The following ATP9B variants were observed in gnomAD, a reference collection of about 807,000 sequenced individuals.
The protein encoded by ATP9B is probable phospholipid-transporting ATPase IIB.
Under a neutral mutation model 146.1 loss-of-function variants are expected in ATP9B, and 110 were observed. The observed-to-expected ratio is 0.75, with a 90% CI of 0.65 to 0.88. The LOEUF is 0.88. Ranked by LOEUF, ATP9B falls within the 40% of genes least tolerant of loss-of-function variation. The pLI is 0.00. For missense variants in ATP9B, 1,499 were observed against 1,496.4 expected (o/e 1.00, Z -0.03); for synonymous variants, 604 against 569.7 (o/e 1.06, Z -0.86).
chr18:79,296,635 C>T (rs566534712), intron 13 of ATP9B, among the ~76,000 whole-genome samples: 1 of 152,290 alleles, frequency 6.6e-6, no homozygotes, highest in South Asian at 2.1e-4. Context: ...AGGGCAGAAA[C>T]AGTAGTGCAA....
intron 10 of ATP9B, chr18:79,209,726 C>G (rs2095566887): frequency 3.1e-6 from 3 of 960,676 alleles, no homozygotes; most frequent in Non-Finnish European, 2.5e-6. Flanking sequence ...AATTAAGGTA[C>G]CTTTAATGTT....
At chr18:79,127,191 C>T (rs1308970892) in intron 5 of ATP9B, among the ~76,000 whole-genome samples, 1 of 152,096 alleles carries the variant, frequency 6.6e-6, no homozygotes, top group Non-Finnish European at 1.5e-5. Context: ...CCTTATTGGG[C>T]TCTATTTCAC....
chr18:79,265,962 C>T (rs1160173347), intron 12 of ATP9B, among the ~76,000 whole-genome samples: 1 of 152,154 alleles, frequency 6.6e-6, no homozygotes, highest in African/African-American at 2.4e-5. Flanking sequence ...AAATGGCCAG[C>T]CAGTTATCTC....
chr18:79,181,438 C>G (rs2148002359), intron 8 of ATP9B, among the ~76,000 whole-genome samples: 1 of 152,120 alleles, frequency 6.6e-6, no homozygotes, highest in South Asian at 2.1e-4. Flanking sequence ...CTGTCCAAAC[C>G]CCTCTGAGAC....
At chr18:79,316,685 G>A (rs556302756) in intron 15 of ATP9B, among the ~76,000 whole-genome samples, 49 of 152,114 alleles carry the variant, frequency 3.2e-4, no homozygotes, top group African/African-American at 1.0e-3. Flanking sequence ...CAGATGCCAT[G>A]TGCATCAAGA....
intron 17 of ATP9B, 133 bp downstream of exon 17, chr18:79,330,237 G>C: frequency 1.3e-6 from 1 of 784,252 alleles, no homozygotes; most frequent in South Asian, 1.9e-5. Context: ...CCTTTCCCCA[G>C]CTTGCAGACA....
At chr18:79,339,430 GTAT>G (rs1186068216) in intron 19 of ATP9B, among the ~76,000 whole-genome samples, 1 of 147,360 alleles carries the variant, frequency 6.8e-6, no homozygotes, top group Non-Finnish European at 1.5e-5. Context: ...GCAGTAGGAA[GTAT>G]GTCATCGCAG....
chr18:79,193,303 T>G lies in ATP9B; in HGVS notation c.954+40T>G, dbSNP rs200887355. ...TTGTTCAATACAAATAGAGTTATTG[T>G]GTAAGTTAAAAGTAGCAAACCTTTG... On this transcript the variant is annotated intron_variant, in intron 9 of 29. Coordinates refer to ENST00000426216, the MANE Select transcript of ATP9B (RefSeq NM_198531.5). 4.6e-5 allele frequency: 69 copies of G among 1,490,490 alleles called. No homozygotes were observed. In the African/African-American group the frequency reaches 8.3e-4, roughly 18 times the overall value. The allele number at this position is 1,490,490 out of a possible 1,614,324, so 92.3% of individuals were successfully genotyped here. A position where few individuals can be genotyped will look rare whatever the true frequency, so the allele number is the denominator to read the frequency against.
chr18:79,245,597 C>G (rs2095939456), intron 11 of ATP9B, among the ~76,000 whole-genome samples: 1 of 144,258 alleles, frequency 6.9e-6, no homozygotes, highest in Non-Finnish European at 1.5e-5. Context: ...GCCCTAATGA[C>G]TGTGCGGAGG....
chr18:79,375,953 C>T (rs1037205571), intron 29 of ATP9B: 10 of 985,156 alleles, frequency 1.0e-5, no homozygotes, highest in African/African-American at 5.2e-5. Flanking sequence ...TCTTTTCATG[C>T]GGAATTCAAG....
At chr18:79,337,633 C>G (rs568701835) in intron 19 of ATP9B, among the ~76,000 whole-genome samples, 184 bp downstream of exon 19, 1 of 152,280 alleles carries the variant, frequency 6.6e-6, no homozygotes, top group South Asian at 2.1e-4. Flanking sequence ...CACACAAATC[C>G]CCACGCCACC....
chr18:79,192,173 A>G (rs999177339), intron 8 of ATP9B, among the ~76,000 whole-genome samples: 2 of 152,102 alleles, frequency 1.3e-5, no homozygotes, highest in African/African-American at 4.8e-5. Flanking sequence ...CTCACTTTGC[A>G]GCTGCTGTGG....
rs879609125 is a variant in ATP9B, at chr18:79,296,923, C to CAGAGAGATGACCCAGAGAGGAGAA, written c.1412-6657_1412-6634dup. Among the ~76,000 whole-genome samples, 310 of 150,806 alleles carry CAGAGAGATGACCCAGAGAGGAGAA rather than the reference C, an allele frequency of 2.1e-3. 1 individual carries two copies. Among genetic ancestry groups the CAGAGAGATGACCCAGAGAGGAGAA allele is most frequent in the South Asian group, 4.5e-3 (21 of 4,696 alleles). ...AGACAGAGATGACCCAGAGAGAAGA[C>CAGAGAGATGACCCAGAGAGGAGAA]AGAGAGATGACCCAGAGAGGAGAAA... On this transcript the variant is annotated intron_variant, in intron 13 of 29. Coordinates refer to ENST00000426216, the MANE Select transcript of ATP9B (RefSeq NM_198531.5).
chr18:79,148,316 C>A (rs1284157990), intron 6 of ATP9B, among the ~76,000 whole-genome samples: 1 of 152,174 alleles, frequency 6.6e-6, no homozygotes, highest in East Asian at 1.9e-4. Context: ...TCAAGAATAT[C>A]TTTATCTCAG....
chr18:79,335,667 C>T (rs1237971737), intron 17 of ATP9B, among the ~76,000 whole-genome samples: 2 of 152,198 alleles, frequency 1.3e-5, no homozygotes, highest in East Asian at 1.9e-4. Flanking sequence ...GCTCTCACCG[C>T]GGCCCTGCAC....
chr18:79,266,260 C>T (rs543828825), intron 12 of ATP9B, among the ~76,000 whole-genome samples: 1 of 151,984 alleles, frequency 6.6e-6, no homozygotes, highest in African/African-American at 2.4e-5. Context: ...CTTAAAGGAA[C>T]CATTTCCTCT....
At chr18:79,279,897 C>T (rs781317324) in intron 13 of ATP9B, among the ~76,000 whole-genome samples, 14 of 152,210 alleles carry the variant, frequency 9.2e-5, no homozygotes. Flanking sequence ...TAGCGCATCA[C>T]TTGGTAAAAC....
chr18:79,283,797 C>T (rs2096404808), intron 13 of ATP9B, among the ~76,000 whole-genome samples: 1 of 152,194 alleles, frequency 6.6e-6, no homozygotes, highest in Non-Finnish European at 1.5e-5. Context: ...GGAGGACAGC[C>T]AATTTGTACT....
chr18:79,071,884 G>GTTTTTTTTT (rs375351848), intron 1 of ATP9B, among the ~76,000 whole-genome samples: 1 of 79,882 alleles, frequency 1.3e-5, no homozygotes, highest in Non-Finnish European at 2.4e-5. Context: ...TTCATGTTTG[G>GTTTTTTTTT]TTTTGTTTTT....
Sources: allele counts gnomAD v4.1 joint callset (sites outside exome capture counted in the v4.1 genomes callset), GRCh38; gene constraint gnomAD v4.1.1; transcripts MANE v1.5; gene names NCBI Gene and HGNC (gene_info 2026-07-23, HGNC 2026-07-21).